THRB: variants seen among roughly 807,000 people sequenced by gnomAD.
The protein encoded by THRB is thyroid hormone receptor beta, also known as nuclear receptor subfamily 1 group A member 2.
Under a neutral mutation model 47.8 loss-of-function variants are expected in THRB, and 12 were observed. That is an observed-to-expected ratio of 0.25 (90% CI 0.16 to 0.41). The LOEUF (loss-of-function observed/expected upper bound fraction) is 0.41, where lower values mean the gene tolerates loss of function less well. Among genes scored for constraint, THRB ranks in the 10% least tolerant of loss-of-function variants. THRB has a pLI of 1.00. For missense variants in THRB, 348 were observed against 589.2 expected (o/e 0.59, Z 4.24); for synonymous variants, 218 against 212.2 (o/e 1.03, Z -0.24).
chr3:24,345,392 G>A (rs2062948515), intron 1 of THRB, among the ~76,000 whole-genome samples: 1 of 152,120 alleles, frequency 6.6e-6, no homozygotes, highest in African/African-American at 2.4e-5. Flanking sequence ...GAGGCTGTCA[G>A]TCAAGGTTAT....
chr3:24,243,976 T>G (rs1286085301), intron 3 of THRB, among the ~76,000 whole-genome samples: 2 of 152,022 alleles, frequency 1.3e-5, no homozygotes, highest in Non-Finnish European at 2.9e-5. Flanking sequence ...GAAACACTTA[T>G]TAAATTCTAA....
chr3:24,341,823 T>G (rs1324792381), intron 1 of THRB, among the ~76,000 whole-genome samples: 1 of 152,174 alleles, frequency 6.6e-6, no homozygotes, highest in Non-Finnish European at 1.5e-5. Flanking sequence ...GACAGCTTGT[T>G]ATGGATGAGA....
chr3:24,247,245 G>A (rs56183062), intron 3 of THRB, among the ~76,000 whole-genome samples: 1,677 of 152,242 alleles, frequency 0.011, 33 homozygotes, highest in African/African-American at 0.038. Flanking sequence ...ATGTGTGCAC[G>A]GTTTCCTAAA....
intron 5 of THRB, among the ~76,000 whole-genome samples, chr3:24,156,498 A>T (rs2037861062): frequency 6.6e-6 from 1 of 152,346 alleles, no homozygotes; most frequent in East Asian, 1.9e-4. Flanking sequence ...GAGTTCAGAG[A>T]TCTTTTCCAA....
At chr3:24,192,473 T>C (rs1559558990) in intron 4 of THRB, among the ~76,000 whole-genome samples, 1 of 152,200 alleles carries the variant, frequency 6.6e-6, no homozygotes, top group Non-Finnish European at 1.5e-5. Context: ...CAAACTATTT[T>C]GAAAAGCCTT....
intron 1 of THRB, among the ~76,000 whole-genome samples, chr3:24,487,602 C>G (rs548097016): frequency 1.3e-5 from 2 of 152,222 alleles, no homozygotes; most frequent in East Asian, 1.9e-4. Flanking sequence ...GTAGAAGGGA[C>G]TGAAAACAAT....
Position 24,463,984 on chromosome 3 carries a change from C to T in THRB, c.-261+30668G>A, listed in dbSNP as rs912573339. 2.6e-5 allele frequency among the ~76,000 whole-genome samples: 4 copies of T among 152,150 alleles called. No homozygotes were observed. In the South Asian group the frequency reaches 6.2e-4, roughly 24 times the overall value. ...GGTTGCGGCTGGGCGCGGTGGCTCA[C>T]GCCTGTAATCCCAGCACTTTGGGAG... On this transcript the variant is annotated intron_variant, in intron 1 of 10. Transcript: ENST00000646209.
chr3:24,272,109 T>C (rs2053398025), intron 3 of THRB, among the ~76,000 whole-genome samples: 1 of 152,162 alleles, frequency 6.6e-6, no homozygotes, highest in Admixed American at 6.5e-5. Context: ...TGGGATGCCA[T>C]AGCAGGAGGA....
chr3:24,152,590 C>T lies in THRB; in HGVS notation c.284-100G>A, dbSNP rs888066576. The T allele has an allele frequency of 1.2e-5, 9 of 725,660 alleles. No homozygotes were observed. In the African/African-American group the frequency reaches 1.4e-4, roughly 11 times the overall value. The allele number at this position is 725,660 out of a possible 1,614,324, so 45.0% of individuals were successfully genotyped here. A position where few individuals can be genotyped will look rare whatever the true frequency, so the allele number is the denominator to read the frequency against. On this transcript the variant is annotated intron_variant, in intron 5 of 10. Transcript: ENST00000646209. ...TAGGCCAGAGACAAAATTGGCTTGCCAGGAAGAGGTAACAACAGTAAAGAC... is the reference window on the plus strand; with the variant it reads ...TAGGCCAGAGACAAAATTGGCTTGCTAGGAAGAGGTAACAACAGTAAAGAC...
intron 1 of THRB, among the ~76,000 whole-genome samples, chr3:24,473,889 A>G (rs995219768): frequency 6.6e-6 from 1 of 152,170 alleles, no homozygotes; most frequent in Non-Finnish European, 1.5e-5. Flanking sequence ...GTGGGAACTC[A>G]TAAGTGGGAA....
intron 3 of THRB, among the ~76,000 whole-genome samples, chr3:24,251,552 C>T (rs974217520): frequency 6.6e-6 from 1 of 152,028 alleles, no homozygotes. Context: ...TAAGAGATGA[C>T]TTTCAGTAAC....
At chr3:24,165,424 C>T in intron 5 of THRB, 1 of 701,198 alleles carries the variant, frequency 1.4e-6, no homozygotes, top group Middle Eastern at 2.5e-4. Flanking sequence ...CAGCCCCATA[C>T]ACCCTGAGAG....
intron 2 of THRB, among the ~76,000 whole-genome samples, chr3:24,323,966 T>C (rs2058650472): frequency 1.3e-5 from 2 of 152,212 alleles, no homozygotes; most frequent in Admixed American, 6.5e-5. Context: ...CATAATGTGC[T>C]ACATCTGTTA....
At chr3:24,158,841 CCTCTCTCTCTCTCTCT>C (rs10530553) in intron 5 of THRB, among the ~76,000 whole-genome samples, 1 of 147,446 alleles carries the variant, frequency 6.8e-6, no homozygotes, top group African/African-American at 2.5e-5. Context: ...GACAGCTCTT[CCTCTCTCTCTCTCTCT>C]CTCTCTCTCT....
chr3:24,292,011 A>T (rs1471892978), intron 3 of THRB, among the ~76,000 whole-genome samples: 1 of 152,210 alleles, frequency 6.6e-6, no homozygotes, highest in Admixed American at 6.5e-5. Context: ...ATTTTGGTAC[A>T]TCTAATCATT....
chr3:24,441,907 A>G (rs2071566492), intron 1 of THRB, among the ~76,000 whole-genome samples: 3 of 152,306 alleles, frequency 2.0e-5, no homozygotes, highest in Non-Finnish European at 1.5e-5. Flanking sequence ...AAAAATCTTT[A>G]TCTCTGACTT....
intron 3 of THRB, among the ~76,000 whole-genome samples, chr3:24,285,876 C>G (rs893536454): frequency 1.3e-5 from 2 of 152,164 alleles, no homozygotes; most frequent in Non-Finnish European, 2.9e-5. Flanking sequence ...ATGTTTGTGT[C>G]TTCCTCTGCC....
intron 1 of THRB, among the ~76,000 whole-genome samples, chr3:24,383,214 A>C (rs2065841693): frequency 6.6e-6 from 1 of 151,516 alleles, no homozygotes; most frequent in Non-Finnish European, 1.5e-5. Flanking sequence ...TACCCGGCTC[A>C]GAAGACAAAC....
intron 4 of THRB, among the ~76,000 whole-genome samples, chr3:24,197,861 C>G (rs1487202008): frequency 6.6e-6 from 1 of 152,222 alleles, no homozygotes; most frequent in African/African-American, 2.4e-5. Flanking sequence ...GAAAGGGCAG[C>G]TAGATGGCTT....
Sources: allele counts gnomAD v4.1 joint callset (sites outside exome capture counted in the v4.1 genomes callset), GRCh38; gene constraint gnomAD v4.1.1; transcripts MANE v1.5; gene names NCBI Gene and HGNC (gene_info 2026-07-23, HGNC 2026-07-21).